MAPKAP1: variants seen among roughly 807,000 people sequenced by gnomAD.
MAPKAP1 encodes target of rapamycin complex 2 subunit MAPKAP1.
MAPKAP1 carries 20 observed loss-of-function variants against 65.7 expected under a neutral mutation model. That is an observed-to-expected ratio of 0.30 (90% CI 0.21 to 0.44). The LOEUF (loss-of-function observed/expected upper bound fraction) is 0.44. MAPKAP1 is among the 20% of genes least tolerant of loss of function. The pLI is 1.00. For missense variants in MAPKAP1, 423 were observed against 648.0 expected (o/e 0.65, Z 3.77); for synonymous variants, 222 against 244.3 (o/e 0.91, Z 0.85).
At chr9:125,486,336 G>C (rs1360181880) in intron 8 of MAPKAP1, among the ~76,000 whole-genome samples, 1 of 152,198 alleles carries the variant, frequency 6.6e-6, no homozygotes, top group African/African-American at 2.4e-5. Flanking sequence ...ACCAGTGCAG[G>C]GGGTAGAATG....
chr9:125,670,822 A>T (rs1834476064), intron 2 of MAPKAP1, among the ~76,000 whole-genome samples: 1 of 152,248 alleles, frequency 6.6e-6, no homozygotes. Context: ...TTCTCTTGCT[A>T]ATCTTCAGCT....
At chr9:125,661,995 G>C (rs1044636538) in intron 3 of MAPKAP1, among the ~76,000 whole-genome samples, 3 of 152,134 alleles carry the variant, frequency 2.0e-5, no homozygotes, top group African/African-American at 7.2e-5. Context: ...ATGGATCTTA[G>C]ATCCAAACAT....
rs147344191 is a variant in MAPKAP1, at chr9:125,660,630, G to A, written c.350-2831C>T. On this transcript the variant is annotated intron_variant, in intron 3 of 11. Transcript: ENST00000265960. ...ACCAAACTCTTGATCTTTCCCCAAA[G>A]CTCCCACTCCCACAGTCTCCTCAGT... Among the ~76,000 whole-genome samples, 740 of 152,164 alleles carry A rather than the reference G, an allele frequency of 4.9e-3. 5 individuals carry two copies. The highest frequency in any genetic ancestry group is 0.017 in the African/African-American group (697 of 41,518).
intron 7 of MAPKAP1, among the ~76,000 whole-genome samples, chr9:125,530,353 A>G (rs984652190): frequency 1.3e-5 from 2 of 152,252 alleles, no homozygotes; most frequent in Non-Finnish European, 2.9e-5. Context: ...TAATTATAGA[A>G]TCATTTTCAT....
intron 4 of MAPKAP1, among the ~76,000 whole-genome samples, chr9:125,629,253 G>A (rs1278999723): frequency 1.3e-5 from 2 of 152,166 alleles, no homozygotes; most frequent in African/African-American, 2.4e-5. Flanking sequence ...GGGTATACAC[G>A]CAAAAGAACT....
intron 1 of MAPKAP1, among the ~76,000 whole-genome samples, chr9:125,688,740 TAAAAACAAAATAA>T (rs894818661): frequency 6.6e-6 from 1 of 152,100 alleles, no homozygotes; most frequent in African/African-American, 2.4e-5. Context: ...CCTCATCTCT[TAAAAACAAAATAA>T]AGGCACTTTT....
chr9:125,517,549 C>T (rs936433238), intron 7 of MAPKAP1, among the ~76,000 whole-genome samples: 4 of 152,252 alleles, frequency 2.6e-5, no homozygotes, highest in South Asian at 2.1e-4. Context: ...TATGTTACTG[C>T]TATTACCAGG....
chr9:125,463,794 T>C (rs763608246), intron 10 of MAPKAP1, among the ~76,000 whole-genome samples: 7 of 152,246 alleles, frequency 4.6e-5, no homozygotes, highest in Non-Finnish European at 1.0e-4. Flanking sequence ...ATATGATCTA[T>C]GCTTAATTGA....
chr9:125,657,241 C>T (rs1043974573), intron 4 of MAPKAP1, among the ~76,000 whole-genome samples: 1 of 151,990 alleles, frequency 6.6e-6, no homozygotes, highest in African/African-American at 2.4e-5. Flanking sequence ...GGAGATAAAA[C>T]GGATTAAAAA....
intron 8 of MAPKAP1, among the ~76,000 whole-genome samples, chr9:125,492,349 T>C (rs1854768045): frequency 6.6e-6 from 1 of 152,206 alleles, no homozygotes; most frequent in Admixed American, 6.5e-5. Context: ...TGATATCTAT[T>C]TGGACAATAA....
chr9:125,596,465 A>G, intron 4 of MAPKAP1: 2 of 756,126 alleles, frequency 2.6e-6, no homozygotes. Context: ...GGCAATTACA[A>G]CAATCAGTCT....
intron 8 of MAPKAP1, among the ~76,000 whole-genome samples, chr9:125,496,946 G>A (rs1389146551): frequency 6.6e-6 from 1 of 152,122 alleles, no homozygotes; most frequent in African/African-American, 2.4e-5. Flanking sequence ...CTCAGACTGG[G>A]TTCCTCTCCA....
chr9:125,670,453 T>C (rs1216450764), intron 2 of MAPKAP1, among the ~76,000 whole-genome samples: 2 of 152,208 alleles, frequency 1.3e-5, no homozygotes, highest in Admixed American at 6.5e-5. Context: ...AAACAGTTTA[T>C]AGGTAGTAAA....
chr9:125,446,604 G>A (rs532092996), intron 10 of MAPKAP1, among the ~76,000 whole-genome samples: 1 of 152,232 alleles, frequency 6.6e-6, no homozygotes, highest in East Asian at 1.9e-4. Context: ...ATCTACAAAG[G>A]ACACAGGGCT....
intron 1 of MAPKAP1, among the ~76,000 whole-genome samples, chr9:125,700,788 A>AGATAC (rs991076766): frequency 1.3e-5 from 2 of 152,228 alleles, no homozygotes; most frequent in African/African-American, 4.8e-5. Flanking sequence ...CAAGACCAGT[A>AGATAC]TTTCTTCAAT....
intron 4 of MAPKAP1, among the ~76,000 whole-genome samples, chr9:125,602,576 G>A (rs975205699): frequency 3.3e-5 from 5 of 152,172 alleles, no homozygotes; most frequent in Non-Finnish European, 5.9e-5. Context: ...CAGCTACAAA[G>A]CTGACAGTCT....
At chr9:125,650,286 C>T (rs1270334642) in intron 4 of MAPKAP1, 4 of 152,314 alleles carry the variant, frequency 2.6e-5, no homozygotes, top group Middle Eastern at 6.8e-3. Context: ...AATTTGATTA[C>T]CTCACCTCCC....
At chr9:125,559,874 T>A in intron 5 of MAPKAP1, 65 bp from the exon 6 acceptor site, 2 of 1,505,584 alleles carry the variant, frequency 1.3e-6, no homozygotes, top group Non-Finnish European at 1.8e-6. Context: ...GACCAGAGGG[T>A]ATGGTGCACA....
chr9:125,442,569 G>C (rs1852533091), intron 11 of MAPKAP1, among the ~76,000 whole-genome samples: 1 of 151,444 alleles, frequency 6.6e-6, no homozygotes, highest in South Asian at 2.1e-4. Flanking sequence ...GCCCCTATCG[G>C]GGTAATGGAA....
Sources: allele counts gnomAD v4.1 joint callset (sites outside exome capture counted in the v4.1 genomes callset), GRCh38; gene constraint gnomAD v4.1.1; transcripts MANE v1.5; gene names NCBI Gene and HGNC (gene_info 2026-07-23, HGNC 2026-07-21).